The following DGKG variants were observed in gnomAD, a reference collection of about 807,000 sequenced individuals.
DGKG encodes the protein diacylglycerol kinase gamma.
A neutral mutation model predicts 105.3 loss-of-function variants in DGKG; 78 were observed. The observed-to-expected ratio is 0.74, with a 90% CI of 0.62 to 0.89. The LOEUF (loss-of-function observed/expected upper bound fraction) is 0.89, where lower values mean the gene tolerates loss of function less well. DGKG is among the 40% of genes least tolerant of loss of function. The pLI, the probability that DGKG is intolerant of heterozygous loss-of-function variation, is 0.00. For missense variants in DGKG, 958 were observed against 1,020.1 expected, an observed-to-expected ratio of 0.94 and a Z score of 0.83; for synonymous variants, 346 against 367.1, an observed-to-expected ratio of 0.94 and a Z score of 0.66.
At chr3:186,150,794 G>T (rs556103129) in intron 24 of DGKG, among the ~76,000 whole-genome samples, 13 of 152,232 alleles carry the variant, frequency 8.5e-5, no homozygotes, top group African/African-American at 3.1e-4. Flanking sequence ...TAAATTTTAG[G>T]GTTTATAAGT....
intron 1 of DGKG, among the ~76,000 whole-genome samples, chr3:186,353,565 G>GTGTATA (rs750492190): frequency 3.4e-5 from 4 of 117,026 alleles, no homozygotes; most frequent in Admixed American, 8.6e-5. Flanking sequence ...TTTTATGTAT[G>GTGTATA]TATATATATA....
intron 1 of DGKG, among the ~76,000 whole-genome samples, chr3:186,340,783 G>T (rs1375776542): frequency 6.6e-6 from 1 of 152,056 alleles, no homozygotes; most frequent in Non-Finnish European, 1.5e-5. Flanking sequence ...TTTACCTTTA[G>T]TCTCCTTCCC....
chr3:186,172,150 G>A lies in DGKG; in HGVS notation c.2096-7132C>T, dbSNP rs537672780. 4.0e-4 allele frequency among the ~76,000 whole-genome samples: 61 copies of A among 152,254 alleles called. 3 individuals carry two copies. In the South Asian group the frequency reaches 1.0e-2, roughly 25 times the overall value. ...GTGTGAGCCACCGCGCCCAGTGCCC[G>A]CTTGCTTTTTTGCATTAGTGAAAAT... On this transcript the variant is annotated intron_variant, in intron 22 of 24. Coordinates refer to ENST00000265022, the MANE Select transcript of DGKG (RefSeq NM_001346.3).
At chr3:186,216,354 G>C (rs1414197611) in intron 20 of DGKG, among the ~76,000 whole-genome samples, 2 of 151,922 alleles carry the variant, frequency 1.3e-5, no homozygotes, top group Non-Finnish European at 2.9e-5. Context: ...ACCCACAAGG[G>C]ACGTGGCTTT....
intron 20 of DGKG, among the ~76,000 whole-genome samples, chr3:186,234,996 A>G (rs1005143577): frequency 2.0e-5 from 3 of 151,450 alleles, no homozygotes; most frequent in African/African-American, 7.3e-5. Flanking sequence ...AACAACAACA[A>G]AAAACCCTGG....
chr3:186,349,383 C>T lies in DGKG; in HGVS notation c.-249+12563G>A, dbSNP rs997330784. On this transcript the variant is annotated intron_variant, in intron 1 of 24. Coordinates refer to ENST00000265022, the MANE Select transcript of DGKG (RefSeq NM_001346.3). ...TGTTCCAATGTTTGTGCTTCCACTGCATGATTTTAATTCTGCAAAATATTT... is the reference window on the plus strand; with the variant it reads ...TGTTCCAATGTTTGTGCTTCCACTGTATGATTTTAATTCTGCAAAATATTT... 3.3e-5 allele frequency among the ~76,000 whole-genome samples: 5 copies of T among 152,280 alleles called. No individual in the cohort carries two copies. The South Asian group carries it at 6.2e-4, about 19-fold the overall frequency.
At chr3:186,224,406 G>C (rs572648889) in intron 20 of DGKG, among the ~76,000 whole-genome samples, 2 of 152,162 alleles carry the variant, frequency 1.3e-5, no homozygotes, top group African/African-American at 4.8e-5. Context: ...AGACATCAAA[G>C]GTCACTAGAG....
intron 6 of DGKG, among the ~76,000 whole-genome samples, chr3:186,288,476 T>C (rs1260702926): frequency 1.3e-5 from 2 of 152,218 alleles, no homozygotes; most frequent in Non-Finnish European, 2.9e-5. Context: ...TGGTTCTCAA[T>C]ACCTGGGTTT....
At chr3:186,339,774 A>G (rs1171154782) in intron 1 of DGKG, among the ~76,000 whole-genome samples, 6 of 152,202 alleles carry the variant, frequency 3.9e-5, no homozygotes, top group African/African-American at 1.4e-4. Context: ...ACAAAGTGTC[A>G]GCAGTACCCG....
intron 1 of DGKG, among the ~76,000 whole-genome samples, chr3:186,330,044 A>G (rs1236518035): frequency 6.6e-6 from 1 of 152,218 alleles, no homozygotes; most frequent in Admixed American, 6.5e-5. Flanking sequence ...TCATGGAGTC[A>G]AAGTTCCTAC....
intron 20 of DGKG, among the ~76,000 whole-genome samples, chr3:186,234,603 A>T (rs758180570): frequency 6.6e-6 from 1 of 152,194 alleles, no homozygotes; most frequent in Non-Finnish European, 1.5e-5. Context: ...CTTTGTTGAC[A>T]TGAATAAGAC....
intron 5 of DGKG, among the ~76,000 whole-genome samples, chr3:186,292,879 T>A (rs900309144): frequency 1.3e-5 from 2 of 151,976 alleles, no homozygotes; most frequent in Non-Finnish European, 2.9e-5. Flanking sequence ...TGTAAAAAAA[T>A]TATAGAAAAA....
intron 22 of DGKG, among the ~76,000 whole-genome samples, chr3:186,187,489 G>C (rs1325868389): frequency 2.0e-5 from 3 of 152,160 alleles, no homozygotes; most frequent in Non-Finnish European, 2.9e-5. Flanking sequence ...TTGGGGGAGG[G>C]ACAGCAGAGC....
intron 5 of DGKG, among the ~76,000 whole-genome samples, chr3:186,294,672 A>G (rs1261656065): frequency 6.6e-6 from 1 of 152,082 alleles, no homozygotes; most frequent in Admixed American, 6.6e-5. Flanking sequence ...AGAATGATCT[A>G]TGCCTGAATA....
intron 1 of DGKG, among the ~76,000 whole-genome samples, chr3:186,339,265 GC>G (rs752221663): frequency 1.3e-5 from 2 of 152,214 alleles, no homozygotes; most frequent in Non-Finnish European, 2.9e-5. Flanking sequence ...TGAACTTAAA[GC>G]CCATTGGGGA....
chr3:186,264,794 A>G (rs1241251360), intron 14 of DGKG, among the ~76,000 whole-genome samples: 1 of 152,156 alleles, frequency 6.6e-6, no homozygotes, highest in Non-Finnish European at 1.5e-5. Context: ...AAAAATGTTC[A>G]TTGCTGAACC....
At chr3:186,313,616 G>A (rs1456734538) in intron 2 of DGKG, 1 of 711,904 alleles carries the variant, frequency 1.4e-6, no homozygotes, top group Non-Finnish European at 1.7e-6. Flanking sequence ...TGTTAGAAAA[G>A]CAGATTCTCA....
chr3:186,333,769 G>A (rs1273919721), intron 1 of DGKG, among the ~76,000 whole-genome samples: 1 of 152,174 alleles, frequency 6.6e-6, no homozygotes, highest in Non-Finnish European at 1.5e-5. Context: ...GCAGAGCCCT[G>A]GGCATGAGTA....
chr3:186,266,842 C>T (rs1041585781), intron 13 of DGKG, among the ~76,000 whole-genome samples: 6 of 152,308 alleles, frequency 3.9e-5, no homozygotes, highest in Non-Finnish European at 8.8e-5. Context: ...GGTGATCCGC[C>T]TGCCTCAGCC....
Sources: allele counts gnomAD v4.1 joint callset (sites outside exome capture counted in the v4.1 genomes callset), GRCh38; gene constraint gnomAD v4.1.1; transcripts MANE v1.5; gene names NCBI Gene and HGNC (gene_info 2026-07-23, HGNC 2026-07-21).